Variants in PIK3C2G observed in about 807,000 individuals in gnomAD.
PIK3C2G encodes the protein phosphatidylinositol-4-phosphate 3-kinase catalytic subunit type 2 gamma, also known as phosphatidylinositol 3-kinase C2 domain-containing subunit gamma.
PIK3C2G carries 168 observed loss-of-function variants against 181.1 expected under a neutral mutation model. That is an observed-to-expected ratio of 0.93 (90% CI 0.82 to 1.05). The LOEUF is 1.05. Ranked by LOEUF, PIK3C2G falls within the 50% of genes least tolerant of loss-of-function variation. The probability of loss-of-function intolerance (pLI) is 0.00; values close to 1 mark genes in which losing one functional copy is unlikely to be tolerated. For synonymous variants in PIK3C2G, 573 were observed against 592.2 expected (o/e 0.97, Z 0.47); for missense variants, 1,869 against 1,732.8 (o/e 1.08, Z -1.40).
At chr12:18,454,088 C>G (rs1565740455) in intron 18 of PIK3C2G, among the ~76,000 whole-genome samples, 1 of 152,122 alleles carries the variant, frequency 6.6e-6, no homozygotes, top group Admixed American at 6.6e-5. Flanking sequence ...CATATTCATT[C>G]ATCTGCTTCT....
intron 28 of PIK3C2G, among the ~76,000 whole-genome samples, chr12:18,563,951 A>G (rs1945482052): frequency 6.7e-6 from 1 of 149,730 alleles, no homozygotes; most frequent in African/African-American, 2.4e-5. Flanking sequence ...AATTATATAT[A>G]ATTATATATG....
chr12:18,263,843 A>C (rs1226093365), intron 1 of PIK3C2G, among the ~76,000 whole-genome samples: 4 of 152,180 alleles, frequency 2.6e-5, no homozygotes, highest in Non-Finnish European at 5.9e-5. Flanking sequence ...AAAATGTAAC[A>C]ATCTATAGAT....
chr12:18,423,883 C>A lies in PIK3C2G; in HGVS notation c.2410-62C>A, dbSNP rs1163576286. 3 of 945,456 alleles carry A rather than the reference C, an allele frequency of 3.2e-6. No individual in the cohort carries two copies. The African/African-American group carries it at 4.9e-5, about 15-fold the overall frequency. The allele number at this position is 945,456 out of a possible 1,614,324, so 58.6% of individuals were successfully genotyped here. Reference sequence around the variant, plus strand: ...TAGTCTTTTCTCAAGCCTCTGAAGTCCCTCTGTATTCTGCTATAATTTTGT... The same window carrying A: ...TAGTCTTTTCTCAAGCCTCTGAAGTACCTCTGTATTCTGCTATAATTTTGT... On this transcript the variant is annotated intron_variant, in intron 17 of 32. Transcript: ENST00000538779.
intron 32 of PIK3C2G, among the ~76,000 whole-genome samples, chr12:18,640,955 AT>A (rs752086749): frequency 3.5e-4 from 54 of 152,194 alleles, no homozygotes; most frequent in Admixed American, 7.2e-4. Context: ...AACTAAAAAA[AT>A]AAATACAAAA....
At position 18,562,695 on chromosome 12, in the gene PIK3C2G, T is replaced by G; in HGVS notation, c.3591-8T>G. On this transcript the variant is annotated splice_region_variant and splice_polypyrimidine_tract_variant and intron_variant, in intron 26 of 32. Coordinates refer to ENST00000538779, the MANE Select transcript of PIK3C2G (RefSeq NM_001288772.2). ...TCACTCACTATCTTTTCTTTTACAT[T>G]TCTCTAGGAAAATAAAGGAAAGTCT... 2.0e-6 allele frequency: 3 copies of G among 1,529,316 alleles called. No individual in the cohort carries two copies. The highest frequency in any genetic ancestry group is 2.7e-6 in the Non-Finnish European group (3 of 1,115,944). The allele number at this position is 1,529,316 out of a possible 1,614,324, so 94.7% of individuals were successfully genotyped here. A position where few individuals can be genotyped will look rare whatever the true frequency, so the allele number is the denominator to read the frequency against.
At position 18,612,703 on chromosome 12, in the gene PIK3C2G, C is replaced by T. The variant is rs144502841; in HGVS notation, c.4182+3074C>T. Among the ~76,000 whole-genome samples, 891 of 152,120 alleles carry T rather than the reference C, an allele frequency of 5.9e-3. 8 individuals carry two copies. The highest frequency in any genetic ancestry group is 0.037 in the Middle Eastern group (11 of 294). On this transcript the variant is annotated intron_variant, in intron 31 of 32. Coordinates refer to ENST00000538779, the MANE Select transcript of PIK3C2G (RefSeq NM_001288772.2). ...CAAGTTTTAGCTAATTGTTATTTGT[C>T]GATCCTTTAGTATGTTCCCATACCA...
At chr12:18,335,465 G>A (rs1451386274) in intron 8 of PIK3C2G, among the ~76,000 whole-genome samples, 2 of 152,082 alleles carry the variant, frequency 1.3e-5, no homozygotes, top group Non-Finnish European at 2.9e-5. Flanking sequence ...GGGAGTGTGT[G>A]TGTGTGTGTA....
chr12:18,269,536 G>A (rs2137044644), intron 1 of PIK3C2G, among the ~76,000 whole-genome samples: 1 of 152,234 alleles, frequency 6.6e-6, no homozygotes, highest in African/African-American at 2.4e-5. Flanking sequence ...TTTCATTTAA[G>A]AGCTAAAACT....
Position 18,491,559 on chromosome 12 carries a change from G to GT in PIK3C2G, c.2793+2dup. ...ATGTATAAAAGGGATTGATCACGAT[G>GT]TAAGTCAACTTATTCCTCAGATTAA... On this transcript the variant is annotated splice_donor_variant, in intron 20 of 32. Coordinates refer to ENST00000538779, the MANE Select transcript of PIK3C2G (RefSeq NM_001288772.2). LOFTEE classifies it high-confidence loss of function. 5 of 1,469,032 alleles carry GT rather than the reference G, an allele frequency of 3.4e-6. No homozygotes were observed. The highest frequency in any genetic ancestry group is 4.7e-6 in the Non-Finnish European group (5 of 1,052,974). The allele number at this position is 1,469,032 out of a possible 1,614,324, so 91.0% of individuals were successfully genotyped here.
intron 30 of PIK3C2G, among the ~76,000 whole-genome samples, chr12:18,602,616 GTC>G (rs900062241): frequency 6.6e-6 from 1 of 152,058 alleles, no homozygotes; most frequent in Non-Finnish European, 1.5e-5. Context: ...CCCCCACAGA[GTC>G]TATTCCACCC....
chr12:18,687,964 G>A, the PIK3C2G span: 1 of 1,273,066 alleles, frequency 7.9e-7, no homozygotes, highest in Non-Finnish European at 1.1e-6. Flanking sequence ...TGCTAATTTT[G>A]GACATAATGG....
intron 31 of PIK3C2G, among the ~76,000 whole-genome samples, chr12:18,636,272 G>A (rs1373790112): frequency 6.6e-6 from 1 of 152,112 alleles, no homozygotes; most frequent in African/African-American, 2.4e-5. Context: ...CGCTCTTGTT[G>A]CCCAGGCTGG....
intron 22 of PIK3C2G, 62 bp from the exon 23 acceptor site, chr12:18,503,219 C>T: frequency 7.7e-7 from 1 of 1,292,146 alleles, no homozygotes; most frequent in East Asian, 2.4e-5. Context: ...TGTTATATTT[C>T]CTAAGGCTCC....
At chr12:18,397,556 T>C (rs927214774) in intron 15 of PIK3C2G, among the ~76,000 whole-genome samples, 1 of 151,844 alleles carries the variant, frequency 6.6e-6, no homozygotes, top group African/African-American at 2.4e-5. Context: ...TAAATATAAA[T>C]TAGAAGCACA....
intron 11 of PIK3C2G, chr12:18,358,611 C>T (rs1459734603): frequency 2.1e-6 from 1 of 469,810 alleles, no homozygotes; most frequent in African/African-American, 2.0e-5. Flanking sequence ...AATGCCAGGA[C>T]AAAAGTTAAC....
intron 32 of PIK3C2G, among the ~76,000 whole-genome samples, chr12:18,645,717 A>G (rs1388937292): frequency 1.3e-5 from 2 of 152,170 alleles, no homozygotes; most frequent in Non-Finnish European, 2.9e-5. Context: ...CTTCCTCCCT[A>G]TAATGCTAAA....
chr12:18,360,187 G>A (rs1941108882), intron 11 of PIK3C2G, among the ~76,000 whole-genome samples: 1 of 151,524 alleles, frequency 6.6e-6, no homozygotes, highest in Non-Finnish European at 1.5e-5. Context: ...TGTTTACCAT[G>A]AGTCTTATAC....
At chr12:18,414,033 G>A (rs553741908) in intron 16 of PIK3C2G, among the ~76,000 whole-genome samples, 8 of 152,216 alleles carry the variant, frequency 5.3e-5, no homozygotes, top group Admixed American at 3.9e-4. Flanking sequence ...TTTGTCCATC[G>A]ATCTATACCT....
chr12:18,532,061 A>G (rs1943582817), intron 24 of PIK3C2G, among the ~76,000 whole-genome samples: 1 of 152,074 alleles, frequency 6.6e-6, no homozygotes, highest in Non-Finnish European at 1.5e-5. Flanking sequence ...ATTATTTTTT[A>G]TCTAGCCATT....
Sources: allele counts gnomAD v4.1 joint callset (sites outside exome capture counted in the v4.1 genomes callset), GRCh38; gene constraint gnomAD v4.1.1; transcripts MANE v1.5; gene names NCBI Gene and HGNC (gene_info 2026-07-23, HGNC 2026-07-21).